Variants in TMEM232 observed in about 807,000 individuals in gnomAD.
TMEM232 encodes the protein transmembrane protein 232.
TMEM232 carries 80 observed loss-of-function variants against 78.8 expected under a neutral mutation model. That is an observed-to-expected ratio of 1.01 (90% CI 0.85 to 1.22). The LOEUF is 1.22. Ranked by LOEUF, TMEM232 falls within the 50% of genes most tolerant of loss-of-function variation. The pLI, the probability that TMEM232 is intolerant of heterozygous loss-of-function variation, is 0.00. For synonymous variants in TMEM232, 297 were observed against 254.3 expected, an observed-to-expected ratio of 1.17 and a Z score of -1.60; for missense variants, 881 against 742.2, an observed-to-expected ratio of 1.19 and a Z score of -2.17.
downstream of TMEM232, chr5:110,418,182 T>C (rs1235370717): frequency 7.2e-5 from 11 of 152,226 alleles, no homozygotes; most frequent in Admixed American, 7.2e-4. Flanking sequence ...TCTAACACCT[T>C]TGAAAATAAT....
intron 12 of TMEM232, 24 bp downstream of exon 12, chr5:110,528,563 TA>T (rs1157428520): frequency 9.3e-6 from 14 of 1,503,364 alleles, no homozygotes; most frequent in African/African-American, 5.6e-5. Flanking sequence ...ATTAGAACAA[TA>T]AAACCGATAG....
At chr5:110,656,493 A>T (rs1253742012) in intron 2 of TMEM232, among the ~76,000 whole-genome samples, 1 of 152,214 alleles carries the variant, frequency 6.6e-6, no homozygotes, top group Non-Finnish European at 1.5e-5. Context: ...TACATTAAAG[A>T]TAAAGACAAT....
chr5:110,603,136 T>A (rs773362151), intron 10 of TMEM232, among the ~76,000 whole-genome samples: 1 of 151,992 alleles, frequency 6.6e-6, no homozygotes, highest in Non-Finnish European at 1.5e-5. Flanking sequence ...CACCCGGGCC[T>A]GTCAGGGGTT....
At chr5:110,575,770 C>G (rs1047710164) in intron 10 of TMEM232, among the ~76,000 whole-genome samples, 1 of 152,026 alleles carries the variant, frequency 6.6e-6, no homozygotes, top group Non-Finnish European at 1.5e-5. Flanking sequence ...GGAAACCATG[C>G]TTCTCCCACA....
rs895407500 is a variant in TMEM232, at chr5:110,631,392, C to T, written c.502-3512G>A. 2.6e-5 allele frequency among the ~76,000 whole-genome samples: 4 copies of T among 152,332 alleles called. No individual in the cohort carries two copies. In the East Asian group the frequency reaches 7.7e-4, roughly 29 times the overall value. On this transcript the variant is annotated intron_variant, in intron 5 of 13. Transcript: ENST00000455884. ...TCCCATTCACACCCCCGACCCAACACTGCAGCAGCAATTGCTGCCACTGGG... is the reference window on the plus strand; with the variant it reads ...TCCCATTCACACCCCCGACCCAACATTGCAGCAGCAATTGCTGCCACTGGG...
At chr5:110,514,956 A>C (rs147370148) in intron 12 of TMEM232, among the ~76,000 whole-genome samples, 2,743 of 152,346 alleles carry the variant, frequency 0.018, 30 homozygotes, top group Admixed American at 0.024. Context: ...AAATTGAAAA[A>C]GAATTGTTTG....
intron 12 of TMEM232, among the ~76,000 whole-genome samples, chr5:110,510,938 T>C (rs1159619180): frequency 6.6e-6 from 1 of 152,126 alleles, no homozygotes; most frequent in Non-Finnish European, 1.5e-5. Context: ...GCAATCTCAT[T>C]ACTGGGTATA....
intron 12 of TMEM232, among the ~76,000 whole-genome samples, chr5:110,504,316 T>C (rs1289754274): frequency 6.6e-6 from 1 of 152,126 alleles, no homozygotes; most frequent in African/African-American, 2.4e-5. Context: ...AGGAAAGTGG[T>C]TTTCTTGTAA....
chr5:110,531,513 C>G, intron 11 of TMEM232, among the ~76,000 whole-genome samples: 1 of 152,188 alleles, frequency 6.6e-6, no homozygotes, highest in East Asian at 1.9e-4. Flanking sequence ...CAACCTCTCT[C>G]ACTATCCCTC....
At chr5:110,609,403 A>T (rs1270093936) in intron 8 of TMEM232, among the ~76,000 whole-genome samples, 1 of 152,108 alleles carries the variant, frequency 6.6e-6, no homozygotes, top group African/African-American at 2.4e-5. Context: ...TTTTAAAAAT[A>T]ATAATCTCTA....
At chr5:110,621,875 T>C (rs1783796987) in intron 7 of TMEM232, among the ~76,000 whole-genome samples, 1 of 152,196 alleles carries the variant, frequency 6.6e-6, no homozygotes, top group Non-Finnish European at 1.5e-5. Flanking sequence ...AAAAGTGTTG[T>C]TAATCTACAG....
chr5:110,598,922 T>A (rs964793479), intron 10 of TMEM232, among the ~76,000 whole-genome samples: 1 of 148,756 alleles, frequency 6.7e-6, no homozygotes, highest in African/African-American at 2.5e-5. Flanking sequence ...AATGACGAGT[T>A]AATGGGTGCA....
At chr5:110,515,563 C>G (rs1768491024) in intron 12 of TMEM232, among the ~76,000 whole-genome samples, 1 of 152,164 alleles carries the variant, frequency 6.6e-6, no homozygotes, top group Non-Finnish European at 1.5e-5. Flanking sequence ...CAATGAATGT[C>G]CAAATGCTTC....
At chr5:110,661,179 G>T (rs373657895) in intron 2 of TMEM232, among the ~76,000 whole-genome samples, 1 of 152,006 alleles carries the variant, frequency 6.6e-6, no homozygotes. Context: ...TTCTTTTATG[G>T]TTTAATAATA....
At chr5:110,721,603 C>T (rs1219660204) in intron 1 of TMEM232, among the ~76,000 whole-genome samples, 3 of 135,102 alleles carry the variant, frequency 2.2e-5, no homozygotes, top group African/African-American at 8.1e-5. Flanking sequence ...CTATGCTCCA[C>T]AGAAATGACT....
At chr5:110,713,728 C>T (rs554286612) in intron 1 of TMEM232, among the ~76,000 whole-genome samples, 3 of 151,866 alleles carry the variant, frequency 2.0e-5, no homozygotes, top group African/African-American at 7.3e-5. Flanking sequence ...AAAAAGACAG[C>T]TTTATCTTCT....
At chr5:110,496,616 G>A (rs995516676) in intron 12 of TMEM232, among the ~76,000 whole-genome samples, 2 of 151,926 alleles carry the variant, frequency 1.3e-5, no homozygotes, top group African/African-American at 4.8e-5. Context: ...TCTCAGATGA[G>A]AGGACACATG....
chr5:110,720,817 A>T (rs920718994), intron 1 of TMEM232: 1 of 152,164 alleles, frequency 6.6e-6, no homozygotes, highest in Non-Finnish European at 1.5e-5. Flanking sequence ...ATACCACTCC[A>T]CGTTAACACA....
intron 1 of TMEM232, among the ~76,000 whole-genome samples, chr5:110,673,697 C>G (rs1580612570): frequency 6.6e-6 from 1 of 152,126 alleles, no homozygotes; most frequent in Admixed American, 6.5e-5. Context: ...ACTGGGCTGA[C>G]CTGGATCATT....
Sources: allele counts gnomAD v4.1 joint callset (sites outside exome capture counted in the v4.1 genomes callset), GRCh38; gene constraint gnomAD v4.1.1; transcripts MANE v1.5; gene names NCBI Gene and HGNC (gene_info 2026-07-23, HGNC 2026-07-21).